RRBP1: variants seen among roughly 807,000 people sequenced by gnomAD.
RRBP1 encodes the protein ribosome binding protein 1.
Under a neutral mutation model 165.2 loss-of-function variants are expected in RRBP1, and 94 were observed. The ratio of observed to expected loss-of-function variants is 0.57; its 90% CI spans 0.48 to 0.68. The LOEUF is 0.68. Ranked by LOEUF, RRBP1 falls within the 30% of genes least tolerant of loss-of-function variation. The probability of loss-of-function intolerance (pLI) is 0.00; values close to 1 mark genes in which losing one functional copy is unlikely to be tolerated. For missense variants in RRBP1, 1,676 were observed against 1,763.0 expected, an observed-to-expected ratio of 0.95 and a Z score of 0.88; for synonymous variants, 680 against 714.5, an observed-to-expected ratio of 0.95 and a Z score of 0.77.
chr20:17,618,466 T>C (rs1276815853), intron 20 of RRBP1, 130 bp downstream of exon 20: 1 of 779,738 alleles, frequency 1.3e-6, no homozygotes, highest in African/African-American at 1.7e-5. Flanking sequence ...CCCATGCTGC[T>C]CAACGGGTGA....
chr20:17,646,627 CAGCA>C (rs2036467590), intron 3 of RRBP1, among the ~76,000 whole-genome samples: 1 of 152,226 alleles, frequency 6.6e-6, no homozygotes, highest in Non-Finnish European at 1.5e-5. Flanking sequence ...CAAAATAAAT[CAGCA>C]TGGCCGGCCT....
In RRBP1 at chr20:17,629,755, G is replaced by A. The variant is rs1026502642; in HGVS notation, c.2749+68C>T. On this transcript the variant is annotated intron_variant, in intron 9 of 24. Transcript: ENST00000377813. Reference sequence around the variant, plus strand: ...CCCACTGAGTTCTGGCACTGGCAGTGGGGCTGGGCCGGCATGCAGACCCAG... The same window carrying A: ...CCCACTGAGTTCTGGCACTGGCAGTAGGGCTGGGCCGGCATGCAGACCCAG... 40 of 1,506,226 alleles carry A rather than the reference G, an allele frequency of 2.7e-5. No individual in the cohort carries two copies. In the East Asian group the frequency reaches 8.4e-4, roughly 32 times the overall value. 93.3% of individuals were successfully genotyped at this position (1,506,226 alleles called of 1,614,324 possible).
At chr20:17,627,721 C>CAA in intron 9 of RRBP1, 39 bp from the exon 10 acceptor site, 2 of 1,545,934 alleles carry the variant, frequency 1.3e-6, no homozygotes, top group South Asian at 2.5e-5. Context: ...TAAGAGACTG[C>CAA]AAACCCCAGG....
intron 5 of RRBP1, 113 bp from the exon 6 acceptor site, chr20:17,636,842 C>G: frequency 1.5e-6 from 2 of 1,326,838 alleles, no homozygotes; most frequent in Non-Finnish European, 2.1e-6. Flanking sequence ...AGCACAGACC[C>G]CTCCTGCTGG....
chr20:17,645,894 G>A (rs1474654412), intron 3 of RRBP1, among the ~76,000 whole-genome samples: 2 of 152,180 alleles, frequency 1.3e-5, no homozygotes, highest in Non-Finnish European at 2.9e-5. Context: ...TTGCTCCTGC[G>A]GCTAACGCTT....
intron 21 of RRBP1, 95 bp from the exon 22 acceptor site, chr20:17,616,104 AG>A: frequency 9.7e-7 from 1 of 1,026,696 alleles, no homozygotes; most frequent in Non-Finnish European, 1.4e-6. Flanking sequence ...AGCTGCTTCT[AG>A]CTTCCCCTTT....
chr20:17,670,399 CTTTT>C (rs201580103), intron 2 of RRBP1, among the ~76,000 whole-genome samples: 4 of 133,762 alleles, frequency 3.0e-5, no homozygotes, highest in Admixed American at 2.2e-4. Context: ...GTGTAGGATT[CTTTT>C]TTTTTTTTCA....
chr20:17,657,732 T>C (rs1388289664), intron 3 of RRBP1, among the ~76,000 whole-genome samples: 1 of 152,086 alleles, frequency 6.6e-6, no homozygotes, highest in African/African-American at 2.4e-5. Context: ...ACTAAACAGA[T>C]AAAGGTAAAC....
At chr20:17,671,147 T>C (rs2036970223) in intron 2 of RRBP1, among the ~76,000 whole-genome samples, 1 of 152,216 alleles carries the variant, frequency 6.6e-6, no homozygotes, top group South Asian at 2.1e-4. Flanking sequence ...TTGTTCCTGG[T>C]TCCTTTTTCA....
At chr20:17,667,263 A>ATCCC (rs1434017391) in intron 2 of RRBP1, among the ~76,000 whole-genome samples, 1 of 152,232 alleles carries the variant, frequency 6.6e-6, no homozygotes, top group African/African-American at 2.4e-5. Context: ...TAAAGGGGGA[A>ATCCC]GGCTGGCTAG....
Position 17,659,807 on chromosome 20 carries a change from C to T in RRBP1, c.701G>A (p.Gly234Glu), listed in dbSNP as rs1298369010. Residue 234 changes from glycine (G) to glutamate (E), a missense_variant, in exon 3 of 25, where the codon GGA becomes GAA. Gly to Glu is a moderately conservative substitution (Grantham distance 98, BLOSUM62 -2). Around this residue, in one of 5 missense-constraint regions of RRBP1, gnomAD observed 392 missense variants for 382.5 expected, o/e 1.02. Transcript: ENST00000377813. ...GTPNQGKKTE[G>E]TPNQGKKAEG... ...TGCCTTTTTCCCTTGGTTTGGGGTT[C>T]CCTCTGTCTTTTTGCCCTGGTTTGG... is the stretch of plus-strand genomic sequence containing the variant. 6 of 1,550,902 alleles carry T rather than the reference C, an allele frequency of 3.9e-6. No individual in the cohort carries two copies. In the South Asian group the frequency reaches 7.1e-5, roughly 18 times the overall value.
intron 1 of RRBP1, among the ~76,000 whole-genome samples, 155 bp from the exon 2 acceptor site, chr20:17,680,230 G>A (rs1468232889): frequency 6.6e-6 from 1 of 152,212 alleles, no homozygotes; most frequent in Non-Finnish European, 1.5e-5. Flanking sequence ...AGGAGTGTGA[G>A]GAGGGAGGCG....
chr20:17,660,093 T>C lies in RRBP1; in HGVS notation c.415A>G (p.Lys139Glu), dbSNP rs370524822. 14 of 1,614,050 alleles carry C rather than the reference T, an allele frequency of 8.7e-6. No individual in the cohort carries two copies. The highest frequency in any genetic ancestry group is 1.2e-5 in the Non-Finnish European group (14 of 1,180,028). The change falls in exon 3 of 25, where the codon AAA becomes GAA. Residue 139 changes from lysine to glutamate, a missense_variant. Lys to Glu is a moderately conservative substitution (Grantham distance 56). Coordinates refer to ENST00000377813, the MANE Select transcript of RRBP1 (RefSeq NM_001365613.2). ...GCCACTTTTTTCTCCTTCTTCTTTTTGTCCTTGGGGGAGGAGGCCAGCTTC... is the reference window on the plus strand; with the variant it reads ...GCCACTTTTTTCTCCTTCTTCTTTTCGTCCTTGGGGGAGGAGGCCAGCTTC... ...QEKLASSPKD[K>E]KKKEKKVAKV...
At chr20:17,653,840 A>C (rs2036601718) in intron 3 of RRBP1, among the ~76,000 whole-genome samples, 1 of 151,674 alleles carries the variant, frequency 6.6e-6, no homozygotes, top group South Asian at 2.1e-4. Flanking sequence ...TCTCAAAAAA[A>C]AAAAAAAAAA....
intron 5 of RRBP1, among the ~76,000 whole-genome samples, chr20:17,640,072 G>C (rs1043901027): frequency 1.3e-5 from 2 of 152,134 alleles, no homozygotes; most frequent in Non-Finnish European, 2.9e-5. Context: ...CCTCAGCTGC[G>C]AGGTGGCCTG....
At chr20:17,678,263 T>C (rs1192597637) in intron 2 of RRBP1, among the ~76,000 whole-genome samples, 1 of 152,198 alleles carries the variant, frequency 6.6e-6, no homozygotes, top group Non-Finnish European at 1.5e-5. Context: ...CACTTAAAAT[T>C]AAATATTTAC....
rs377495117 is a variant in RRBP1 at position 17,659,903 on chromosome 20, G to C, written c.605C>G (p.Ala202Gly). ...PATGTTQGKKAEGTQNQSKKA... is the reference protein window; with the variant it reads ...PATGTTQGKKGEGTQNQSKKA... ...TTTGCTTTGATTCTGAGTCCCCTCC[G>C]CCTTTTTGCCCTGAGTAGTGCCAGT... is the stretch of plus-strand genomic sequence containing the variant. The change falls in exon 3 of 25, where the codon GCG (alanine) becomes GGG (glycine). Residue 202 changes from alanine (A) to glycine (G), a missense_variant. Transcript: ENST00000377813. 11 of 1,558,260 alleles carry C rather than the reference G, an allele frequency of 7.1e-6. No individual in the cohort carries two copies. The highest frequency in any genetic ancestry group is 3.9e-5 in the Admixed American group (2 of 51,728).
intron 5 of RRBP1, 40 bp downstream of exon 5, chr20:17,641,757 G>T (rs775829577): frequency 2.5e-6 from 4 of 1,607,166 alleles, no homozygotes; most frequent in Admixed American, 1.7e-5. Flanking sequence ...CTCTGAGGAC[G>T]GGAGAGGACA....
At chr20:17,676,416 G>C (rs1340723368) in intron 2 of RRBP1, among the ~76,000 whole-genome samples, 3 of 151,870 alleles carry the variant, frequency 2.0e-5, no homozygotes, top group East Asian at 1.9e-4. Flanking sequence ...TTATAGGAGG[G>C]AGAAAACTGA....
Sources: gnomAD v4.1 joint callset for allele counts (sites outside exome capture counted in the v4.1 genomes callset) on GRCh38, gnomAD v4.1.1 for gene constraint, gnomAD v4.1.1 regional missense constraint, MANE v1.5 for transcripts, NCBI Gene and HGNC (gene_info 2026-07-23, HGNC 2026-07-21) for gene names.